The following ALDH1L2 variants were observed in gnomAD, a reference collection of about 807,000 sequenced individuals.
ALDH1L2 encodes the protein aldehyde dehydrogenase 1 family member L2, also known as mitochondrial 10-formyltetrahydrofolate dehydrogenase.
In ALDH1L2, 91 loss-of-function variants were observed where a neutral mutation model predicts 111.0. That is an observed-to-expected ratio of 0.82 (90% confidence interval 0.69 to 0.98). The LOEUF (loss-of-function observed/expected upper bound fraction) is 0.98. Ranked by LOEUF, ALDH1L2 falls within the 50% of genes least tolerant of loss-of-function variation. ALDH1L2 has a pLI of 0.00. For synonymous variants in ALDH1L2, 374 were observed against 392.6 expected (o/e 0.95, Z 0.56); for missense variants, 995 against 1,126.8 (o/e 0.88, Z 1.67).
chr12:105,028,855 G>A (rs1387187347), intron 21 of ALDH1L2, among the ~76,000 whole-genome samples: 1 of 152,092 alleles, frequency 6.6e-6, no homozygotes, highest in Non-Finnish European at 1.5e-5. Flanking sequence ...GGTACACATT[G>A]TTACCAAACC....
At chr12:105,080,514 ATTGTT>A (rs899802994) in intron 1 of ALDH1L2, among the ~76,000 whole-genome samples, 2 of 152,072 alleles carry the variant, frequency 1.3e-5, no homozygotes, top group African/African-American at 4.8e-5. Flanking sequence ...TTTCTTGTTT[ATTGTT>A]TTATCTTTTG....
intron 1 of ALDH1L2, 130 bp from the exon 2 acceptor site, chr12:105,074,135 T>A: frequency 8.5e-7 from 1 of 1,173,238 alleles, no homozygotes; most frequent in Admixed American, 2.4e-5. Flanking sequence ...AAGCCCAGAC[T>A]TCACCACTAC....
chr12:105,037,601 G>A (rs1875234442), intron 18 of ALDH1L2, among the ~76,000 whole-genome samples: 1 of 151,998 alleles, frequency 6.6e-6, no homozygotes, highest in Non-Finnish European at 1.5e-5. Flanking sequence ...CCTTAGTAGA[G>A]GAATTATAAA....
Position 105,040,686 on chromosome 12 carries a change from G to A in ALDH1L2, c.1872C>T (p.Pro624=), listed in dbSNP as rs1254908966. ...TLVLKPAQVT[P]LTALKFAELS... The stretch of plus-strand genomic sequence containing the variant: ...GTTCTGCAAACTTCAAAGCAGTCAA[G>A]GGCGTGACCTGAGGAGAAGCAAACA... The change falls in exon 16 of 23, where the codon CCC becomes CCT. Residue 624 remains proline (P), a synonymous_variant. Transcript: ENST00000258494. The A allele has an allele frequency of 6.2e-7, 1 of 1,614,072 alleles. No individual in the cohort carries two copies. Among genetic ancestry groups the A allele is most frequent in the African/African-American group, 1.3e-5 (1 of 75,032 alleles).
chr12:105,030,162 G>A (rs932738451), intron 21 of ALDH1L2, 162 bp downstream of exon 21: 11 of 461,374 alleles, frequency 2.4e-5, no homozygotes, highest in Admixed American at 8.6e-5. Flanking sequence ...TATGATCTAC[G>A]ATGGTTAGCA....
At chr12:105,050,079 A>G (rs375720740) in intron 12 of ALDH1L2, 21 bp from the exon 13 acceptor site, 8 of 1,562,098 alleles carry the variant, frequency 5.1e-6, no homozygotes, top group Non-Finnish European at 6.9e-6. Flanking sequence ...AGTGAAAGAA[A>G]TAAATTCAAC....
chr12:105,066,799 C>A (rs1239299152), intron 4 of ALDH1L2, 130 bp from the exon 5 acceptor site: 5 of 705,972 alleles, frequency 7.1e-6, no homozygotes, highest in Non-Finnish European at 1.2e-5. Context: ...ATGATGATAA[C>A]TACCATTTCT....
At chr12:105,046,217 ATATATTTTTTTTTTTTTT>A (rs1875891373) in intron 15 of ALDH1L2, among the ~76,000 whole-genome samples, 4 of 32,732 alleles carry the variant, frequency 1.2e-4, no homozygotes, top group Admixed American at 4.5e-4. Flanking sequence ...ATATATATAT[ATATATTTTTTTTTTTTTT>A]TTTTTTTTTT....
At chr12:105,061,872 C>T (rs552790323) in intron 7 of ALDH1L2, 120 bp from the exon 8 acceptor site, 9 of 1,237,928 alleles carry the variant, frequency 7.3e-6, no homozygotes, top group African/African-American at 1.5e-5. Flanking sequence ...TGGAAAAATA[C>T]AGATTAAAAG....
intron 6 of ALDH1L2, among the ~76,000 whole-genome samples, chr12:105,063,372 A>T (rs1877128236): frequency 6.6e-6 from 1 of 151,858 alleles, no homozygotes; most frequent in Admixed American, 6.6e-5. Flanking sequence ...GCTACTCGGG[A>T]GGCTGAGGCA....
At chr12:105,054,832 C>T (rs914581864) in intron 10 of ALDH1L2, among the ~76,000 whole-genome samples, 1 of 152,146 alleles carries the variant, frequency 6.6e-6, no homozygotes, top group Non-Finnish European at 1.5e-5. Context: ...ACTACAGGCA[C>T]ATGCTACCAT....
chr12:105,027,559 C>G (rs984926490), intron 21 of ALDH1L2, among the ~76,000 whole-genome samples: 3 of 152,198 alleles, frequency 2.0e-5, no homozygotes, highest in African/African-American at 7.2e-5. Flanking sequence ...GTAAATGACT[C>G]CATCTCCCCT....
At chr12:105,050,202 G>T in intron 12 of ALDH1L2, 144 bp from the exon 13 acceptor site, 1 of 675,622 alleles carries the variant, frequency 1.5e-6, no homozygotes, top group Non-Finnish European at 2.2e-6. Flanking sequence ...GGTCCAGTAG[G>T]CAAGAAAGAC....
chr12:105,036,513 TTTATATATATATATATATATATATATATA>T lies in ALDH1L2; in HGVS notation c.2145+1561_2145+1589del, dbSNP rs1875127685. ...TATATTTATATATGTATATATATATTTTATATATATATATATATATATATATATATATATATATATATATATATATATAA... is the reference window on the plus strand; with the variant it reads ...TATATTTATATATGTATATATATATTTATATATATATATATATATATATAA... On this transcript the variant is annotated intron_variant, in intron 18 of 22. Transcript: ENST00000258494. Among the ~76,000 whole-genome samples the T allele has an allele frequency of 1.3e-4, 7 of 53,846 alleles. 1 individual carries two copies. Among genetic ancestry groups the T allele is most frequent in the South Asian group, 6.6e-4 (1 of 1,510 alleles). 35.3% of individuals were successfully genotyped at this position (53,846 alleles called of 152,430 possible).
intron 6 of ALDH1L2, 55 bp from the exon 7 acceptor site, chr12:105,063,077 G>A (rs1254903092): frequency 1.5e-5 from 24 of 1,576,876 alleles, no homozygotes; most frequent in African/African-American, 8.2e-5. Context: ...TGTTCATAGC[G>A]GTATGTATAA....
intron 1 of ALDH1L2, 74 bp from the exon 2 acceptor site, chr12:105,074,079 T>C: frequency 6.4e-7 from 1 of 1,570,402 alleles, no homozygotes; most frequent in South Asian, 1.1e-5. Context: ...TTAAAAAAGA[T>C]AGCTATTGGG....
chr12:105,046,034 AT>A (rs1267215263), intron 15 of ALDH1L2, among the ~76,000 whole-genome samples: 1 of 151,330 alleles, frequency 6.6e-6, no homozygotes, highest in Non-Finnish European at 1.5e-5. Context: ...GCATTAAGAG[AT>A]TTTTTTGAAA....
intron 13 of ALDH1L2, among the ~76,000 whole-genome samples, chr12:105,049,129 G>A (rs987985688): frequency 6.6e-6 from 1 of 152,002 alleles, no homozygotes; most frequent in African/African-American, 2.4e-5. Flanking sequence ...ACCATCTACG[G>A]TAGCTCTCTG....
chr12:105,030,271 A>T, intron 21 of ALDH1L2, 53 bp downstream of exon 21: 2 of 1,450,604 alleles, frequency 1.4e-6, no homozygotes, highest in Non-Finnish European at 1.9e-6. Context: ...GGCAAAGGGG[A>T]AAAATGACTT....
Sources: allele counts gnomAD v4.1 joint callset (sites outside exome capture counted in the v4.1 genomes callset), GRCh38; gene constraint gnomAD v4.1.1; transcripts MANE v1.5; gene names NCBI Gene and HGNC (gene_info 2026-07-23, HGNC 2026-07-21).